The following STX18 variants were observed in gnomAD, a reference collection of about 807,000 sequenced individuals.
STX18 encodes the protein syntaxin-18.
A neutral mutation model predicts 50.1 loss-of-function variants in STX18; 40 were observed. That is an observed-to-expected ratio of 0.80 (90% CI 0.62 to 1.04). The LOEUF (loss-of-function observed/expected upper bound fraction) is 1.04. STX18 is among the 50% of genes least tolerant of loss of function. The pLI is 0.00. For missense variants in STX18, 410 were observed against 415.8 expected, an observed-to-expected ratio of 0.99 and a Z score of 0.12; for synonymous variants, 158 against 151.8, an observed-to-expected ratio of 1.04 and a Z score of -0.30.
intron 1 of STX18, among the ~76,000 whole-genome samples, chr4:4,514,986 C>T (rs1730182941): frequency 6.6e-6 from 1 of 152,042 alleles, no homozygotes; most frequent in South Asian, 2.1e-4. Context: ...TCATATTATC[C>T]AAGTTTCACA....
intron 1 of STX18, among the ~76,000 whole-genome samples, chr4:4,533,065 A>T (rs1328612886): frequency 1.3e-5 from 2 of 152,208 alleles, no homozygotes; most frequent in East Asian, 3.8e-4. Flanking sequence ...AGGATCTGAA[A>T]GTCTGTAACA....
At chr4:4,503,924 A>C (rs1157800560) in intron 1 of STX18, among the ~76,000 whole-genome samples, 2 of 152,216 alleles carry the variant, frequency 1.3e-5, no homozygotes, top group Non-Finnish European at 1.5e-5. Context: ...CTTTGCAATT[A>C]TTTAAACTTA....
At chr4:4,434,913 G>T in intron 6 of STX18, 55 bp from the exon 7 acceptor site, 2 of 1,249,196 alleles carry the variant, frequency 1.6e-6, no homozygotes, top group Non-Finnish European at 2.3e-6. Flanking sequence ...AGAATAGGCT[G>T]GCTTAGGATG....
chr4:4,431,956 A>G (rs537930343), intron 7 of STX18, among the ~76,000 whole-genome samples: 1 of 152,338 alleles, frequency 6.6e-6, no homozygotes, highest in South Asian at 2.1e-4. Flanking sequence ...TCGAGGGCCT[A>G]GGTCCCACAT....
Position 4,453,178 on chromosome 4 carries a change from G to A in STX18, c.497+4013C>T, listed in dbSNP as rs182912432. Among the ~76,000 whole-genome samples the A allele has an allele frequency of 6.3e-3, 957 of 152,344 alleles. 7 individuals are homozygous for A. Among genetic ancestry groups the A allele is most frequent in the Non-Finnish European group, 0.011 (747 of 68,038 alleles). ...AAACTTGGTTGACAAAGCAGCAACA[G>A]GGTTTGAGAGGACTGACTCAAATTT... is the stretch of plus-strand genomic sequence containing the variant. On this transcript the variant is annotated intron_variant, in intron 5 of 10. Transcript: ENST00000306200.
At chr4:4,457,978 A>C (rs1481572430) in intron 3 of STX18, among the ~76,000 whole-genome samples, 1 of 151,966 alleles carries the variant, frequency 6.6e-6, no homozygotes, top group Non-Finnish European at 1.5e-5. Flanking sequence ...GAAACCTATG[A>C]CTCCTAGCCA....
chr4:4,443,488 C>A (rs1417337801), intron 5 of STX18, among the ~76,000 whole-genome samples: 2 of 152,176 alleles, frequency 1.3e-5, no homozygotes, highest in African/African-American at 2.4e-5. Context: ...GGATGAGGAA[C>A]AACGTAAGGA....
chr4:4,541,918 A>T lies in STX18; in HGVS notation c.47T>A (p.Val16Glu). 1 of 1,609,744 alleles carries T rather than the reference A, an allele frequency of 6.2e-7. No individual in the cohort carries two copies. Among genetic ancestry groups the T allele is most frequent in the Non-Finnish European group, 8.5e-7 (1 of 1,178,644 alleles). The change falls in exon 1 of 11, where the codon GTG becomes GAG. Residue 16 changes from valine to glutamate, a missense_variant. Physicochemically the swap from Val to Glu is moderately radical, Grantham distance 121. Coordinates refer to ENST00000306200, the MANE Select transcript of STX18 (RefSeq NM_016930.4). ...TCCCAGCGCCTTGTTCCGCGTCTTCACGGTCTTGACGCTGGCCCGGAATAG... is the reference window on the plus strand; with the variant it reads ...TCCCAGCGCCTTGTTCCGCGTCTTCTCGGTCTTGACGCTGGCCCGGAATAG... ...TLLFRASVKT[V>E]KTRNKALGVA...
intron 1 of STX18, among the ~76,000 whole-genome samples, chr4:4,521,756 T>C (rs777167362): frequency 2.6e-5 from 4 of 152,202 alleles, no homozygotes; most frequent in African/African-American, 4.8e-5. Flanking sequence ...ACAAGCCAAC[T>C]GTCAACATCC....
At chr4:4,459,325 C>T in intron 3 of STX18, 47 bp downstream of exon 3, 2 of 1,385,186 alleles carry the variant, frequency 1.4e-6, no homozygotes, top group South Asian at 1.2e-5. Flanking sequence ...TGTTTAACTA[C>T]TTGCTATATT....
At chr4:4,505,837 T>C (rs147996628) in intron 1 of STX18, among the ~76,000 whole-genome samples, 21 of 152,242 alleles carry the variant, frequency 1.4e-4, no homozygotes, top group African/African-American at 5.1e-4. Context: ...TGAATGCTTA[T>C]CACTTTTGCA....
chr4:4,458,495 C>T (rs1388651977), intron 3 of STX18, among the ~76,000 whole-genome samples: 1 of 152,162 alleles, frequency 6.6e-6, no homozygotes, highest in Non-Finnish European at 1.5e-5. Context: ...CTAATAAAAA[C>T]CTCCCCAACA....
At chr4:4,444,070 G>A (rs899272068) in intron 5 of STX18, among the ~76,000 whole-genome samples, 13 of 152,196 alleles carry the variant, frequency 8.5e-5, no homozygotes, top group African/African-American at 2.9e-4. Context: ...ATGACTGGGG[G>A]CCTTGGGCCA....
chr4:4,493,556 G>A (rs562763742), intron 1 of STX18, among the ~76,000 whole-genome samples: 121 of 152,134 alleles, frequency 8.0e-4, no homozygotes, highest in African/African-American at 2.7e-3. Context: ...TTCAAATGAC[G>A]CATCTTATTA....
At chr4:4,527,634 CCA>C (rs1730830385) in intron 1 of STX18, among the ~76,000 whole-genome samples, 1 of 151,736 alleles carries the variant, frequency 6.6e-6, no homozygotes, top group South Asian at 2.1e-4. Context: ...AGTCAACATG[CCA>C]CAGAGTCATT....
intron 1 of STX18, among the ~76,000 whole-genome samples, chr4:4,506,240 T>C (rs1259040577): frequency 6.6e-6 from 1 of 152,236 alleles, no homozygotes; most frequent in Non-Finnish European, 1.5e-5. Context: ...AAAATCTGTA[T>C]ACAAACATTT....
intron 5 of STX18, among the ~76,000 whole-genome samples, chr4:4,439,686 TAA>T (rs1726006265): frequency 6.6e-6 from 1 of 151,732 alleles, no homozygotes; most frequent in African/African-American, 2.4e-5. Context: ...CATCTTAATA[TAA>T]GTTAGCTCTG....
intron 2 of STX18, among the ~76,000 whole-genome samples, chr4:4,464,447 C>T (rs1398062174): frequency 6.6e-6 from 1 of 152,218 alleles, no homozygotes; most frequent in East Asian, 1.9e-4. Context: ...TTCATCTCTG[C>T]ATGTTTCACT....
intron 1 of STX18, among the ~76,000 whole-genome samples, chr4:4,506,206 G>C (rs1729699866): frequency 6.6e-6 from 1 of 152,188 alleles, no homozygotes; most frequent in Non-Finnish European, 1.5e-5. Flanking sequence ...TTGCCCTAGA[G>C]AAATGAAAAT....
Sources: allele counts gnomAD v4.1 joint callset (sites outside exome capture counted in the v4.1 genomes callset), GRCh38; gene constraint gnomAD v4.1.1; transcripts MANE v1.5; gene names NCBI Gene and HGNC (gene_info 2026-07-23, HGNC 2026-07-21).